HACD2: variants seen among roughly 807,000 people sequenced by gnomAD.
The protein encoded by HACD2 is 3-hydroxyacyl-CoA dehydratase 2.
HACD2 carries 15 observed loss-of-function variants against 31.0 expected under a neutral mutation model. The observed-to-expected ratio is 0.48, with a 90% CI of 0.32 to 0.75. HACD2 has a LOEUF of 0.75. Ranked by LOEUF, HACD2 falls within the 30% of genes least tolerant of loss-of-function variation. The probability of loss-of-function intolerance (pLI) is 0.03; values close to 1 mark genes in which losing one functional copy is unlikely to be tolerated. For missense variants in HACD2, 283 were observed against 313.0 expected (o/e 0.90, Z 0.72); for synonymous variants, 115 against 122.2 (o/e 0.94, Z 0.39).
chr3:123,506,807 C>T (rs1341519096), intron 4 of HACD2, among the ~76,000 whole-genome samples: 1 of 152,114 alleles, frequency 6.6e-6, no homozygotes, highest in East Asian at 1.9e-4. Context: ...TGTTAAGTGC[C>T]AGTGACTCAT....
At position 123,493,628 on chromosome 3, in the gene HACD2, C is replaced by A. The variant is rs180730469; in HGVS notation, c.*1260G>T. On this transcript the variant is annotated 3_prime_UTR_variant, in exon 7 of 7. Transcript: ENST00000383657. ...TCTTTCTTATTTTTTTTCAGTTTAC[C>A]TACAGTTGCAGTACCAATCCTTTCT... 6.6e-6 allele frequency: 1 copy of A among 151,998 alleles called. No homozygotes were observed. The highest frequency in any genetic ancestry group is 1.5e-5 in the Non-Finnish European group (1 of 68,014). 9.4% of individuals were successfully genotyped at this position (151,998 alleles called of 1,614,324 possible). A position where few individuals can be genotyped will look rare whatever the true frequency, so the allele number is the denominator to read the frequency against.
chr3:123,544,005 G>A (rs924709246), intron 3 of HACD2, among the ~76,000 whole-genome samples: 1 of 152,114 alleles, frequency 6.6e-6, no homozygotes, highest in African/African-American at 2.4e-5. Context: ...TCTGAGTGCA[G>A]GCAAAAGATC....
At chr3:123,565,410 C>G (rs572595244) in intron 3 of HACD2, among the ~76,000 whole-genome samples, 16 of 151,990 alleles carry the variant, frequency 1.1e-4, no homozygotes, top group Admixed American at 3.9e-4. Flanking sequence ...CACAAGGGAT[C>G]TCATGAATGG....
At chr3:123,513,341 G>C (rs895242568) in intron 4 of HACD2, among the ~76,000 whole-genome samples, 2 of 152,174 alleles carry the variant, frequency 1.3e-5, no homozygotes, top group Non-Finnish European at 2.9e-5. Context: ...GCTGACACAG[G>C]CAGGAGTCAT....
At chr3:123,522,052 T>A (rs1182971113) in intron 4 of HACD2, among the ~76,000 whole-genome samples, 1 of 152,118 alleles carries the variant, frequency 6.6e-6, no homozygotes, top group Non-Finnish European at 1.5e-5. Flanking sequence ...ATGCCTGTAA[T>A]TCCAGCACTC....
chr3:123,568,623 TAA>T (rs570347230), intron 2 of HACD2, among the ~76,000 whole-genome samples: 94 of 152,314 alleles, frequency 6.2e-4, no homozygotes, highest in Non-Finnish European at 1.0e-3. Flanking sequence ...TAAGTCCTTC[TAA>T]ATCCCCTTCC....
chr3:123,500,081 C>T (rs962940099), intron 6 of HACD2, among the ~76,000 whole-genome samples: 1 of 152,162 alleles, frequency 6.6e-6, no homozygotes, highest in African/African-American at 2.4e-5. Flanking sequence ...CTACCAATCC[C>T]TTCAAAATGA....
At chr3:123,520,135 C>T (rs1022796151) in intron 4 of HACD2, among the ~76,000 whole-genome samples, 1 of 152,144 alleles carries the variant, frequency 6.6e-6, no homozygotes, top group Non-Finnish European at 1.5e-5. Flanking sequence ...CCAATTGCTA[C>T]CTCTGCAGTG....
At chr3:123,579,475 T>A (rs1305386114) in intron 2 of HACD2, among the ~76,000 whole-genome samples, 8 of 147,410 alleles carry the variant, frequency 5.4e-5, no homozygotes, top group East Asian at 2.0e-4. Flanking sequence ...AAAAAAAAAA[T>A]TTTTTTTTTG....
chr3:123,528,257 T>C, intron 4 of HACD2, 129 bp downstream of exon 4: 1 of 645,814 alleles, frequency 1.5e-6, no homozygotes, highest in Non-Finnish European at 2.8e-6. Flanking sequence ...ATGTGAGCTT[T>C]ATCTCAGCTA....
chr3:123,513,934 C>T (rs2056099499), intron 4 of HACD2, among the ~76,000 whole-genome samples: 1 of 152,066 alleles, frequency 6.6e-6, no homozygotes, highest in South Asian at 2.1e-4. Context: ...GGATGTTACA[C>T]ACAGGTTGCT....
At chr3:123,569,270 T>A (rs776083484) in intron 2 of HACD2, among the ~76,000 whole-genome samples, 6 of 152,150 alleles carry the variant, frequency 3.9e-5, no homozygotes, top group Non-Finnish European at 2.9e-5. Flanking sequence ...TGCTGCAAAG[T>A]TCAGGAGAAC....
intron 4 of HACD2, among the ~76,000 whole-genome samples, chr3:123,512,402 G>C (rs1487713419): frequency 1.3e-5 from 2 of 152,160 alleles, no homozygotes; most frequent in Non-Finnish European, 2.9e-5. Context: ...TATGTCATTA[G>C]ATAAGATTCA....
intron 2 of HACD2, among the ~76,000 whole-genome samples, chr3:123,580,873 T>G (rs2056958685): frequency 9.4e-6 from 1 of 106,886 alleles, no homozygotes; most frequent in African/African-American, 3.8e-5. Context: ...TTTTTTTTTT[T>G]GAGACAGAGT....
intron 4 of HACD2, among the ~76,000 whole-genome samples, chr3:123,527,741 C>T (rs1230874620): frequency 1.3e-5 from 2 of 152,212 alleles, no homozygotes; most frequent in Non-Finnish European, 2.9e-5. Flanking sequence ...GAAATTTGTG[C>T]TTGTTTTGCT....
At chr3:123,505,775 A>G (rs2055967347) in intron 4 of HACD2, among the ~76,000 whole-genome samples, 1 of 152,270 alleles carries the variant, frequency 6.6e-6, no homozygotes, top group African/African-American at 2.4e-5. Flanking sequence ...GAGGGTAAGT[A>G]CTTTAAAATA....
At chr3:123,584,178 G>T (rs1016032997) in intron 1 of HACD2, among the ~76,000 whole-genome samples, 1 of 152,150 alleles carries the variant, frequency 6.6e-6, no homozygotes, top group Non-Finnish European at 1.5e-5. Context: ...CTAGTTAGTG[G>T]CAGAGCTTGA....
chr3:123,523,313 C>T (rs1576748412), intron 4 of HACD2, among the ~76,000 whole-genome samples: 1 of 152,106 alleles, frequency 6.6e-6, no homozygotes, highest in Non-Finnish European at 1.5e-5. Flanking sequence ...AGTGGCACTC[C>T]TCTGCACAAA....
chr3:123,506,058 A>G (rs2720317), intron 4 of HACD2, among the ~76,000 whole-genome samples: 84,361 of 152,226 alleles, frequency 0.55, 25,713 homozygotes, highest in Non-Finnish European at 0.69. Context: ...TGATCCCTCC[A>G]CAGGCAAGGC....
Sources: allele counts gnomAD v4.1 joint callset (sites outside exome capture counted in the v4.1 genomes callset), GRCh38; gene constraint gnomAD v4.1.1; transcripts MANE v1.5; gene names NCBI Gene and HGNC (gene_info 2026-07-23, HGNC 2026-07-21).